SEMA3D: variants seen among roughly 807,000 people sequenced by gnomAD.
SEMA3D encodes the protein semaphorin 3D, also known as semaphorin-3D.
Under a neutral mutation model 100.1 loss-of-function variants are expected in SEMA3D, and 84 were observed. The observed-to-expected ratio is 0.84, with a 90% CI of 0.70 to 1.01. SEMA3D has a LOEUF of 1.01. Ranked by LOEUF, SEMA3D falls within the 50% of genes least tolerant of loss-of-function variation. SEMA3D has a pLI of 0.00. For missense variants in SEMA3D, 875 were observed against 934.1 expected (o/e 0.94, Z 0.82); for synonymous variants, 312 against 320.7 (o/e 0.97, Z 0.29).
intron 2 of SEMA3D, chr7:85,141,420 A>G: frequency 1.0e-6 from 1 of 984,584 alleles, no homozygotes; most frequent in Non-Finnish European, 1.2e-6. Flanking sequence ...ACTATTGGGG[A>G]TTCTGTGCTA....
At chr7:85,165,831 A>G (rs1358700706) in intron 1 of SEMA3D, among the ~76,000 whole-genome samples, 1 of 152,106 alleles carries the variant, frequency 6.6e-6, no homozygotes, top group Non-Finnish European at 1.5e-5. Context: ...TGGTAGAGAA[A>G]GCAATCACGC....
chr7:85,084,482 G>A (rs1413710732), intron 4 of SEMA3D, among the ~76,000 whole-genome samples: 1 of 151,876 alleles, frequency 6.6e-6, no homozygotes, highest in East Asian at 1.9e-4. Flanking sequence ...ATAGTACACA[G>A]AATACTTTTC....
At chr7:85,017,845 G>A (rs1790147211) in intron 15 of SEMA3D, among the ~76,000 whole-genome samples, 1 of 151,636 alleles carries the variant, frequency 6.6e-6, no homozygotes, top group South Asian at 2.1e-4. Flanking sequence ...CTGAGAGTTC[G>A]ATATTATGTG....
At position 85,061,407 on chromosome 7, in the gene SEMA3D, CT is replaced by C. The variant is rs1791474863; in HGVS notation, c.718+4016del. 3.3e-5 allele frequency among the ~76,000 whole-genome samples: 5 copies of C among 152,090 alleles called. No individual in the cohort carries two copies. In the South Asian group the frequency reaches 1.0e-3, roughly 32 times the overall value. On this transcript the variant is annotated intron_variant, in intron 8 of 18. Transcript: ENST00000284136. The stretch of plus-strand genomic sequence containing the variant: ...ACAGAACATAATATGCCATGCACAC[CT>C]GTATCAAGAATTTTAAACCCCCTAA...
At chr7:85,035,737 G>A (rs1562791474) in intron 12 of SEMA3D, among the ~76,000 whole-genome samples, 1 of 151,780 alleles carries the variant, frequency 6.6e-6, no homozygotes. Context: ...CATGTTAAAT[G>A]TTCTTATCAC....
At chr7:85,077,248 G>A (rs929369459) in intron 5 of SEMA3D, among the ~76,000 whole-genome samples, 29 of 151,782 alleles carry the variant, frequency 1.9e-4, no homozygotes, top group African/African-American at 5.6e-4. Flanking sequence ...AATCAGTTAC[G>A]GTAAAAGTGC....
intron 1 of SEMA3D, among the ~76,000 whole-genome samples, chr7:85,176,336 T>A (rs1172025515): frequency 1.3e-5 from 2 of 152,186 alleles, no homozygotes; most frequent in Non-Finnish European, 2.9e-5. Context: ...TTTCAGACAC[T>A]TCTATTGTTT....
At chr7:85,057,435 A>T (rs1277282972) in intron 8 of SEMA3D, among the ~76,000 whole-genome samples, 1 of 152,200 alleles carries the variant, frequency 6.6e-6, no homozygotes, top group African/African-American at 2.4e-5. Context: ...AAGAAGCAGA[A>T]GCAAGAGAAA....
At chr7:85,088,808 A>T (rs1788297122) in intron 4 of SEMA3D, among the ~76,000 whole-genome samples, 1 of 152,170 alleles carries the variant, frequency 6.6e-6, no homozygotes, top group African/African-American at 2.4e-5. Flanking sequence ...TCAATACAGA[A>T]GATGGAGTTC....
intron 12 of SEMA3D, among the ~76,000 whole-genome samples, chr7:85,034,554 C>A (rs1790637777): frequency 2.0e-5 from 3 of 152,034 alleles, no homozygotes; most frequent in Non-Finnish European, 4.4e-5. Context: ...TTGCAGTGAG[C>A]CAAGATTGCA....
the SEMA3D span, among the ~76,000 whole-genome samples, chr7:85,197,144 T>G: frequency 6.6e-6 from 1 of 152,208 alleles, no homozygotes; most frequent in Non-Finnish European, 1.5e-5. Flanking sequence ...GAAATGGCCC[T>G]GCAAAGCTGT....
chr7:85,024,059 C>T (rs185224300), intron 12 of SEMA3D, among the ~76,000 whole-genome samples: 11 of 151,968 alleles, frequency 7.2e-5, no homozygotes, highest in Non-Finnish European at 1.6e-4. Context: ...TAAGTCTGCA[C>T]GTTCAGTCAT....
chr7:85,119,359 CA>C (rs1289655392), intron 3 of SEMA3D, among the ~76,000 whole-genome samples: 9 of 152,140 alleles, frequency 5.9e-5, no homozygotes, highest in Non-Finnish European at 1.2e-4. Flanking sequence ...GACATGGAAT[CA>C]ACCTAAATGC....
the SEMA3D span, among the ~76,000 whole-genome samples, chr7:85,244,015 T>C: frequency 6.6e-6 from 1 of 152,204 alleles, no homozygotes; most frequent in Admixed American, 6.5e-5. Context: ...ACTCAATGTA[T>C]GTTGTCTTAG....
At chr7:85,163,441 A>G (rs1436098621) in intron 1 of SEMA3D, among the ~76,000 whole-genome samples, 1 of 152,076 alleles carries the variant, frequency 6.6e-6, no homozygotes, top group Non-Finnish European at 1.5e-5. Flanking sequence ...AATACTTCAA[A>G]GATCAGAAAT....
chr7:85,173,896 C>G (rs937648290), intron 1 of SEMA3D, among the ~76,000 whole-genome samples: 1 of 152,144 alleles, frequency 6.6e-6, no homozygotes, highest in Non-Finnish European at 1.5e-5. Context: ...ACATTCATTT[C>G]CATATTTTAA....
chr7:85,091,016 G>A (rs753027492), intron 4 of SEMA3D, among the ~76,000 whole-genome samples: 1 of 144,606 alleles, frequency 6.9e-6, no homozygotes. Context: ...AGAAAGAAAC[G>A]AAAAGAGAAA....
chr7:85,246,336 C>T, the SEMA3D span, among the ~76,000 whole-genome samples: 1 of 151,970 alleles, frequency 6.6e-6, no homozygotes, highest in East Asian at 1.9e-4. Flanking sequence ...TTTGGAAGTA[C>T]TTCATACAAA....
chr7:85,022,737 T>C (rs1451915958), intron 12 of SEMA3D, 124 bp from the exon 13 acceptor site: 1 of 666,302 alleles, frequency 1.5e-6, no homozygotes, highest in Non-Finnish European at 2.7e-6. Context: ...ACAGAGTCAA[T>C]ATGGAATCAT....
Sources: gnomAD v4.1 joint callset for allele counts (sites outside exome capture counted in the v4.1 genomes callset) on GRCh38, gnomAD v4.1.1 for gene constraint, MANE v1.5 for transcripts, NCBI Gene and HGNC (gene_info 2026-07-23, HGNC 2026-07-21) for gene names.